Variants in NCK1 observed in about 807,000 individuals in gnomAD.
NCK1 encodes the protein NCK adaptor protein 1, also known as SH2/SH3 adapter protein NCK1.
NCK1 carries 19 observed loss-of-function variants against 36.6 expected under a neutral mutation model. The observed-to-expected ratio is 0.52, with a 90% CI of 0.36 to 0.76. NCK1 has a LOEUF of 0.76. NCK1 is among the 30% of genes least tolerant of loss of function. The pLI is 0.00. For synonymous variants in NCK1, 165 were observed against 156.0 expected (o/e 1.06, Z -0.43); for missense variants, 358 against 445.6 (o/e 0.80, Z 1.77).
intron 1 of NCK1, among the ~76,000 whole-genome samples, chr3:136,896,318 G>A (rs1939390241): frequency 6.6e-6 from 1 of 152,080 alleles, no homozygotes; most frequent in Non-Finnish European, 1.5e-5. Context: ...AGATTTTGGT[G>A]TCTGTCATTC....
chr3:136,944,457 A>G (rs184943181), intron 2 of NCK1, among the ~76,000 whole-genome samples: 221 of 152,282 alleles, frequency 1.5e-3, no homozygotes, highest in African/African-American at 4.9e-3. Context: ...AGTTTATTCT[A>G]TAGGAAAATT....
At chr3:136,905,308 C>T (rs1416410593) in intron 1 of NCK1, among the ~76,000 whole-genome samples, 1 of 152,174 alleles carries the variant, frequency 6.6e-6, no homozygotes, top group Non-Finnish European at 1.5e-5. Context: ...TTACAGGCAT[C>T]AGCCATTGTG....
intron 1 of NCK1, among the ~76,000 whole-genome samples, chr3:136,893,187 T>TTTGGGCTGGTTCC (rs1553793941): frequency 7.5e-6 from 1 of 133,732 alleles, no homozygotes; most frequent in African/African-American, 2.8e-5. Flanking sequence ...TGTATATATA[T>TTTGGGCTGGTTCC]ATATACACAC....
intron 1 of NCK1, among the ~76,000 whole-genome samples, chr3:136,878,884 C>G (rs1180179796): frequency 1.3e-5 from 2 of 152,094 alleles, no homozygotes; most frequent in Non-Finnish European, 2.9e-5. Flanking sequence ...AGTTAAAATG[C>G]TCAATATTGA....
At chr3:136,875,201 T>C (rs948649176) in intron 1 of NCK1, among the ~76,000 whole-genome samples, 5 of 152,200 alleles carry the variant, frequency 3.3e-5, no homozygotes, top group African/African-American at 1.2e-4. Flanking sequence ...TGTATAAGAA[T>C]GCTTGTGATT....
chr3:136,928,436 A>C, intron 2 of NCK1: 2 of 555,006 alleles, frequency 3.6e-6, no homozygotes, highest in East Asian at 3.0e-5. Context: ...CCCATGCTCC[A>C]AGTCAAGGCA....
chr3:136,905,738 A>G (rs1939666951), intron 1 of NCK1, among the ~76,000 whole-genome samples: 1 of 151,590 alleles, frequency 6.6e-6, no homozygotes, highest in Non-Finnish European at 1.5e-5. Flanking sequence ...TAATCCCTCA[A>G]CCTCAGCTTC....
At chr3:136,905,884 C>G (rs1187023144) in intron 1 of NCK1, among the ~76,000 whole-genome samples, 1 of 152,112 alleles carries the variant, frequency 6.6e-6, no homozygotes, top group African/African-American at 2.4e-5. Context: ...CTCAGTCTCC[C>G]AAAGTGCTAG....
intron 1 of NCK1, among the ~76,000 whole-genome samples, chr3:136,901,572 C>G (rs1939542456): frequency 6.6e-6 from 1 of 152,050 alleles, no homozygotes; most frequent in Non-Finnish European, 1.5e-5. Context: ...TCAGTCTGTT[C>G]AGGTTTCGTA....
intron 1 of NCK1, among the ~76,000 whole-genome samples, chr3:136,885,585 G>A (rs1056143146): frequency 3.3e-5 from 5 of 152,160 alleles, no homozygotes; most frequent in African/African-American, 1.2e-4. Context: ...AATTACAGGT[G>A]TGAGCCACAG....
At chr3:136,892,103 G>A (rs4678450) in intron 1 of NCK1, among the ~76,000 whole-genome samples, 103,379 of 151,704 alleles carry the variant, frequency 0.68, 35,482 homozygotes, top group East Asian at 0.87. Flanking sequence ...GCCCAAGCAG[G>A]TCTTGAACTT....
chr3:136,947,897 TC>T (rs374144854), intron 3 of NCK1, among the ~76,000 whole-genome samples: 5 of 152,276 alleles, frequency 3.3e-5, no homozygotes, highest in Admixed American at 2.0e-4. Flanking sequence ...CTCATGTGTT[TC>T]TCTGACTGGA....
chr3:136,913,808 A>G (rs1416611314), intron 1 of NCK1, among the ~76,000 whole-genome samples: 1 of 152,146 alleles, frequency 6.6e-6, no homozygotes, highest in Non-Finnish European at 1.5e-5. Flanking sequence ...AGCTGGGACT[A>G]CAGGCGCCCG....
intron 2 of NCK1, among the ~76,000 whole-genome samples, chr3:136,936,006 A>G (rs1940520091): frequency 6.7e-6 from 1 of 150,236 alleles, no homozygotes; most frequent in Non-Finnish European, 1.5e-5. Flanking sequence ...TGTAGCATAT[A>G]TCAGTAATTC....
intron 1 of NCK1, chr3:136,899,828 T>G: frequency 6.7e-7 from 1 of 1,484,468 alleles, no homozygotes; most frequent in East Asian, 2.3e-5. Context: ...CTAGTGCAAC[T>G]TCTAAGTCTC....
At chr3:136,893,985 G>A (rs1029328478) in intron 1 of NCK1, among the ~76,000 whole-genome samples, 1 of 152,122 alleles carries the variant, frequency 6.6e-6, no homozygotes, top group Non-Finnish European at 1.5e-5. Flanking sequence ...TTGAGCCATG[G>A]TTGCTGTAAT....
chr3:136,866,900 A>T (rs991717737), intron 1 of NCK1, among the ~76,000 whole-genome samples: 1 of 151,526 alleles, frequency 6.6e-6, no homozygotes, highest in Non-Finnish European at 1.5e-5. Context: ...GGCGTGAGCC[A>T]CTGTGCCCGT....
At chr3:136,919,237 A>T (rs1337625747) in intron 1 of NCK1, among the ~76,000 whole-genome samples, 1 of 151,322 alleles carries the variant, frequency 6.6e-6, no homozygotes, top group African/African-American at 2.4e-5. Flanking sequence ...CTTGAGGGGG[A>T]GTGATAGAAC....
intron 1 of NCK1, among the ~76,000 whole-genome samples, chr3:136,919,032 A>C (rs1017358628): frequency 6.6e-6 from 1 of 152,242 alleles, no homozygotes; most frequent in African/African-American, 2.4e-5. Flanking sequence ...AGCACTAAAA[A>C]GGAGTGAACT....
Sources: allele counts gnomAD v4.1 joint callset (sites outside exome capture counted in the v4.1 genomes callset), GRCh38; gene constraint gnomAD v4.1.1; transcripts MANE v1.5; gene names NCBI Gene and HGNC (gene_info 2026-07-23, HGNC 2026-07-21).